Variants in JCHAIN observed in about 807,000 individuals in gnomAD.
The protein encoded by JCHAIN is joining chain of multimeric IgA and IgM.
JCHAIN carries 5 observed loss-of-function variants against 11.1 expected under a neutral mutation model. The ratio of observed to expected loss-of-function variants is 0.45; its 90% CI spans 0.24 to 0.95. The LOEUF is 0.95. Ranked by LOEUF, JCHAIN falls within the 40% of genes least tolerant of loss-of-function variation. JCHAIN has a pLI of 0.21. For synonymous variants in JCHAIN, 51 were observed against 67.8 expected, an observed-to-expected ratio of 0.75 and a Z score of 1.22; for missense variants, 165 against 192.7, an observed-to-expected ratio of 0.86 and a Z score of 0.85.
intron 2 of JCHAIN, among the ~76,000 whole-genome samples, chr4:70,659,826 C>T (rs1013842729): frequency 5.3e-5 from 8 of 151,956 alleles, no homozygotes; most frequent in Non-Finnish European, 8.8e-5. Flanking sequence ...AAGATCGCAC[C>T]ACTGCATTCC....
chr4:70,659,222 C>A (rs982827827), intron 2 of JCHAIN, among the ~76,000 whole-genome samples: 1 of 152,052 alleles, frequency 6.6e-6, no homozygotes, highest in African/African-American at 2.4e-5. Context: ...CCCAAAGTCA[C>A]ATCATTTTAG....
intron 1 of JCHAIN, among the ~76,000 whole-genome samples, chr4:70,663,944 G>A (rs963927543): frequency 6.6e-6 from 1 of 151,526 alleles, no homozygotes; most frequent in Non-Finnish European, 1.5e-5. Flanking sequence ...TAACAATGAT[G>A]TTGGCCGGGT....
intron 2 of JCHAIN, among the ~76,000 whole-genome samples, chr4:70,661,455 A>G (rs57071792): frequency 0.023 from 3,435 of 152,286 alleles, 115 homozygotes; most frequent in African/African-American, 0.072. Context: ...CTGAAGTTTC[A>G]GTTTGAACTG....
chr4:70,658,385 C>CA (rs138457050), intron 2 of JCHAIN, among the ~76,000 whole-genome samples: 5,413 of 152,218 alleles, frequency 0.036, 332 homozygotes, highest in African/African-American at 0.12. Flanking sequence ...AGGGTATCCT[C>CA]AAATAGCATA....
At chr4:70,665,626 T>A (rs1414318275) in intron 1 of JCHAIN, among the ~76,000 whole-genome samples, 1 of 152,002 alleles carries the variant, frequency 6.6e-6, no homozygotes, top group African/African-American at 2.4e-5. Context: ...ATATCATATA[T>A]TTTTAGATAT....
intron 3 of JCHAIN, 90 bp from the exon 4 acceptor site, chr4:70,656,629 G>C (rs1038756692): frequency 5.4e-6 from 5 of 918,608 alleles, no homozygotes; most frequent in Non-Finnish European, 8.7e-6. Context: ...ATTAGTTCTT[G>C]CAGCTCTGAC....
intron 1 of JCHAIN, among the ~76,000 whole-genome samples, chr4:70,662,791 T>G (rs1051752592): frequency 6.6e-6 from 1 of 151,952 alleles, no homozygotes; most frequent in Non-Finnish European, 1.5e-5. Flanking sequence ...AAACCCCATC[T>G]CTACTAAAAA....
intron 2 of JCHAIN, among the ~76,000 whole-genome samples, chr4:70,659,858 CT>C (rs1375388834): frequency 2.6e-5 from 4 of 151,940 alleles, no homozygotes; most frequent in Non-Finnish European, 4.4e-5. Context: ...CAGAGGGAGA[CT>C]CCATCTCAAA....
intron 2 of JCHAIN, among the ~76,000 whole-genome samples, chr4:70,660,068 T>A (rs911345355): frequency 2.2e-4 from 33 of 152,146 alleles, no homozygotes; most frequent in Non-Finnish European, 3.5e-4. Context: ...GAGGAGATTT[T>A]AAAAATCTCC....
intron 2 of JCHAIN, 50 bp from the exon 3 acceptor site, chr4:70,657,341 G>T (rs754694526): frequency 1.7e-6 from 2 of 1,149,510 alleles, no homozygotes; most frequent in Admixed American, 3.4e-5. Context: ...TGCAGATATT[G>T]TTATTTTTGG....
At chr4:70,665,621 A>T (rs889793988) in intron 1 of JCHAIN, among the ~76,000 whole-genome samples, 1 of 152,094 alleles carries the variant, frequency 6.6e-6, no homozygotes, top group Admixed American at 6.6e-5. Context: ...TATATATATC[A>T]TATATTTTTA....
At chr4:70,666,350 T>G in intron 1 of JCHAIN, 77 bp downstream of exon 1, 1 of 1,048,948 alleles carries the variant, frequency 9.5e-7, no homozygotes, top group Non-Finnish European at 1.5e-6. Flanking sequence ...AGCATAGGCA[T>G]AAATGTTTAA....
intron 2 of JCHAIN, among the ~76,000 whole-genome samples, chr4:70,659,636 C>A (rs549215040): frequency 1.4e-4 from 20 of 138,036 alleles, no homozygotes; most frequent in Non-Finnish European, 1.1e-4. Context: ...CCAAGGTGGG[C>A]AGATCACCTG....
intron 2 of JCHAIN, among the ~76,000 whole-genome samples, chr4:70,659,958 G>C (rs1311617978): frequency 6.6e-6 from 1 of 152,050 alleles, no homozygotes; most frequent in Non-Finnish European, 1.5e-5. Flanking sequence ...CAACACATCA[G>C]GCAAAGTGTC....
At position 70,666,473 on chromosome 4, in the gene JCHAIN, A is replaced by G. The variant is rs868038348; in HGVS notation, c.18T>C (p.Leu6=). ...TAAAAACCGCCAGGACTCCCCAGAA[A>G]AGCAAATGGTTCTTCATCTTGACTT... MKNHL[L]FWGVLAVFIK... The change falls in exon 1 of 4, where the codon CTT becomes CTC. Residue 6 remains leucine (L), a synonymous_variant. Coordinates refer to ENST00000254801, the MANE Select transcript of JCHAIN (RefSeq NM_144646.4). 4 of 1,612,994 alleles carry G rather than the reference A, an allele frequency of 2.5e-6. No individual in the cohort carries two copies. In the Admixed American group the frequency reaches 6.7e-5, roughly 27 times the overall value.
chr4:70,662,022 A>T, intron 2 of JCHAIN, 70 bp downstream of exon 2: 1 of 1,478,956 alleles, frequency 6.8e-7, no homozygotes, highest in East Asian at 2.3e-5. Context: ...TGTTACATTC[A>T]AACAATGCTC....
chr4:70,657,784 C>T (rs6837582), intron 2 of JCHAIN, among the ~76,000 whole-genome samples: 6,091 of 151,934 alleles, frequency 0.04, 410 homozygotes, highest in African/African-American at 0.14. Flanking sequence ...GGAATATGTT[C>T]AATATATGTG....
chr4:70,656,482 G>C lies in JCHAIN; in HGVS notation c.327C>G (p.Thr109=), dbSNP rs1738952757. ...VELDNQIVTA[T]QSNICDEDSA... is the part of the protein sequence containing the mutation. ...TGTCTTCATCACAGATATTGCTCTG[G>C]GTAGCAGTAACTATCTGATTATCCA... The change falls in exon 4 of 4, where the codon ACC becomes ACG. Residue 109 remains threonine (T), a synonymous_variant. Transcript: ENST00000254801. 1.9e-6 allele frequency: 3 copies of C among 1,613,780 alleles called. No homozygotes were observed. In the South Asian group the frequency reaches 3.3e-5, roughly 18 times the overall value.
intron 2 of JCHAIN, among the ~76,000 whole-genome samples, chr4:70,658,969 C>T (rs555623783): frequency 6.6e-6 from 1 of 152,216 alleles, no homozygotes; most frequent in African/African-American, 2.4e-5. Context: ...CACCACCAAC[C>T]CTTAATATTT....
Sources: gnomAD v4.1 joint callset for allele counts (sites outside exome capture counted in the v4.1 genomes callset) on GRCh38, gnomAD v4.1.1 for gene constraint, MANE v1.5 for transcripts, NCBI Gene and HGNC (gene_info 2026-07-23, HGNC 2026-07-21) for gene names.